Variants in SUGCT observed in about 807,000 individuals in gnomAD.
The protein encoded by SUGCT is succinyl-CoA:glutarate-CoA transferase.
A neutral mutation model predicts 55.0 loss-of-function variants in SUGCT; 41 were observed. The observed-to-expected ratio is 0.74, with a 90% CI of 0.58 to 0.97. The LOEUF is 0.97. Among genes scored for constraint, SUGCT ranks in the 50% least tolerant of loss-of-function variants. SUGCT has a pLI of 0.00. For missense variants in SUGCT, 568 were observed against 547.8 expected (o/e 1.04, Z -0.37); for synonymous variants, 187 against 200.4 (o/e 0.93, Z 0.56).
intron 10 of SUGCT, among the ~76,000 whole-genome samples, chr7:40,455,856 G>A (rs1330053555): frequency 3.3e-5 from 5 of 152,102 alleles, no homozygotes; most frequent in Admixed American, 6.5e-5. Context: ...ATTTTAAATG[G>A]CAATTAAACT....
At chr7:40,615,114 T>G (rs1798938818) in intron 12 of SUGCT, among the ~76,000 whole-genome samples, 1 of 151,732 alleles carries the variant, frequency 6.6e-6, no homozygotes, top group South Asian at 2.1e-4. Flanking sequence ...AAAGAATTTA[T>G]TTACAAACAC....
intron 12 of SUGCT, among the ~76,000 whole-genome samples, chr7:40,506,171 A>G (rs1792580199): frequency 6.6e-6 from 1 of 152,102 alleles, no homozygotes; most frequent in Non-Finnish European, 1.5e-5. Context: ...TGTTCATTTT[A>G]ATGTAAGTCT....
At chr7:40,663,254 T>C (rs949275892) in intron 12 of SUGCT, among the ~76,000 whole-genome samples, 3 of 152,116 alleles carry the variant, frequency 2.0e-5, no homozygotes, top group African/African-American at 7.2e-5. Flanking sequence ...TAAATAGCTA[T>C]TTTAACTTTT....
chr7:40,235,846 CT>C (rs1788981375), intron 6 of SUGCT, among the ~76,000 whole-genome samples: 2 of 152,088 alleles, frequency 1.3e-5, no homozygotes, highest in African/African-American at 4.8e-5. Flanking sequence ...TGAGGGTGCT[CT>C]TTTACAAAAG....
In SUGCT at chr7:40,594,371, T is replaced by A. The variant is rs1295528247; in HGVS notation, c.1089+97985T>A. On this transcript the variant is annotated intron_variant, in intron 12 of 13. Coordinates refer to ENST00000335693, the MANE Select transcript of SUGCT (RefSeq NM_001193313.2). ...AAAAATATGATGTAAAATCCCAATA[T>A]ATTATCTGTTCTACCCAAGTCATCT... 3.3e-5 allele frequency among the ~76,000 whole-genome samples: 5 copies of A among 150,800 alleles called. No homozygotes were observed. In the South Asian group the frequency reaches 6.3e-4, roughly 19 times the overall value.
chr7:40,135,173 C>T (rs1787611767), intron 1 of SUGCT, 53 bp downstream of exon 1: 3 of 1,508,728 alleles, frequency 2.0e-6, no homozygotes, highest in African/African-American at 1.4e-5. Context: ...CCCCAGCTTG[C>T]CTCCTCGGGC....
chr7:40,245,782 G>A (rs554580711), intron 7 of SUGCT, among the ~76,000 whole-genome samples: 52 of 151,648 alleles, frequency 3.4e-4, no homozygotes, highest in Non-Finnish European at 6.5e-4. Context: ...TTTGATAGAG[G>A]CATACAGTAT....
At chr7:40,225,858 C>T (rs749937971) in intron 6 of SUGCT, among the ~76,000 whole-genome samples, 2 of 152,100 alleles carry the variant, frequency 1.3e-5, no homozygotes, top group Non-Finnish European at 2.9e-5. Flanking sequence ...GGGTAAGGCA[C>T]TTAGTCTTTC....
At chr7:40,159,816 A>G (rs1286182837) in intron 1 of SUGCT, among the ~76,000 whole-genome samples, 1 of 152,116 alleles carries the variant, frequency 6.6e-6, no homozygotes, top group African/African-American at 2.4e-5. Context: ...GTAAACACCT[A>G]CCTTTCTTCT....
At chr7:40,985,105 T>C in the SUGCT span, among the ~76,000 whole-genome samples, 2 of 152,256 alleles carry the variant, frequency 1.3e-5, no homozygotes, top group Non-Finnish European at 2.9e-5. Flanking sequence ...AACTAGAAGC[T>C]AAAACCTACT....
At chr7:40,173,853 A>G (rs1441411778) in intron 1 of SUGCT, among the ~76,000 whole-genome samples, 1 of 149,088 alleles carries the variant, frequency 6.7e-6, no homozygotes, top group Non-Finnish European at 1.5e-5. Flanking sequence ...CATATAAATT[A>G]TATATAATGT....
intron 12 of SUGCT, among the ~76,000 whole-genome samples, chr7:40,605,000 C>G (rs1049464486): frequency 5.9e-5 from 9 of 152,322 alleles, no homozygotes; most frequent in African/African-American, 2.2e-4. Context: ...GCCGGCGTTG[C>G]ACGGTATTGG....
At chr7:40,310,568 CAG>C (rs774716412) in intron 8 of SUGCT, among the ~76,000 whole-genome samples, 23 of 152,140 alleles carry the variant, frequency 1.5e-4, no homozygotes, top group African/African-American at 2.2e-4. Flanking sequence ...ATGGTAATAA[CAG>C]GGATACTGGA....
chr7:40,242,227 G>A (rs939804370), intron 7 of SUGCT, among the ~76,000 whole-genome samples: 36 of 149,684 alleles, frequency 2.4e-4, no homozygotes, highest in Admixed American at 2.0e-3. Context: ...AGGCTGGAGT[G>A]CAGTGGCACA....
chr7:40,769,641 A>T (rs982289207), intron 13 of SUGCT, among the ~76,000 whole-genome samples: 1 of 152,158 alleles, frequency 6.6e-6, no homozygotes, highest in East Asian at 1.9e-4. Context: ...TGTGCCCTAG[A>T]TCTTCCAAAA....
chr7:40,173,573 T>C (rs1784781099), intron 1 of SUGCT, among the ~76,000 whole-genome samples: 1 of 152,214 alleles, frequency 6.6e-6, no homozygotes, highest in African/African-American at 2.4e-5. Context: ...TTTCAGGTGA[T>C]ATATGATTTG....
At chr7:41,004,262 G>T in the SUGCT span, among the ~76,000 whole-genome samples, 1 of 152,148 alleles carries the variant, frequency 6.6e-6, no homozygotes, top group Non-Finnish European at 1.5e-5. Flanking sequence ...CTTCTTTCAG[G>T]CCCTGAATAT....
At chr7:40,432,704 A>T (rs13312022) in intron 9 of SUGCT, among the ~76,000 whole-genome samples, 7 of 89,160 alleles carry the variant, frequency 7.9e-5, no homozygotes, top group African/African-American at 2.1e-4. Context: ...AAAAAAAAAA[A>T]AAAAAAAAAA....
At chr7:40,225,675 A>G (rs762932996) in intron 6 of SUGCT, among the ~76,000 whole-genome samples, 32 of 152,120 alleles carry the variant, frequency 2.1e-4, no homozygotes, top group Non-Finnish European at 4.1e-4. Flanking sequence ...ACCTCAATTA[A>G]TCCGCCTGCC....
Sources: gnomAD v4.1 joint callset for allele counts (sites outside exome capture counted in the v4.1 genomes callset) on GRCh38, gnomAD v4.1.1 for gene constraint, MANE v1.5 for transcripts, NCBI Gene and HGNC (gene_info 2026-07-23, HGNC 2026-07-21) for gene names.